TRA2B: variants seen among roughly 807,000 people sequenced by gnomAD.
The protein encoded by TRA2B is transformer-2 protein homolog beta.
A neutral mutation model predicts 41.7 loss-of-function variants in TRA2B; 14 were observed. That is an observed-to-expected ratio of 0.34 (90% CI 0.22 to 0.53). The LOEUF (loss-of-function observed/expected upper bound fraction) is 0.53. Ranked by LOEUF, TRA2B falls within the 20% of genes least tolerant of loss-of-function variation. The pLI is 0.95. For synonymous variants in TRA2B, 130 were observed against 128.8 expected (o/e 1.01, Z -0.06); for missense variants, 167 against 396.8 (o/e 0.42, Z 4.92).
intron 1 of TRA2B, chr3:185,935,573 G>A: frequency 4.1e-6 from 4 of 985,402 alleles, no homozygotes; most frequent in Non-Finnish European, 4.8e-6. Flanking sequence ...GATAAATAAG[G>A]GAGAATTCCA....
chr3:185,924,963 C>T (rs936493016), intron 3 of TRA2B: 2 of 151,840 alleles, frequency 1.3e-5, no homozygotes, highest in Admixed American at 6.6e-5. Context: ...ACATTAAGTC[C>T]CCCCCTGCAC....
chr3:185,919,362 A>G (rs1218395760), intron 7 of TRA2B, 75 bp downstream of exon 7: 1 of 1,312,400 alleles, frequency 7.6e-7, no homozygotes, highest in Non-Finnish European at 1.1e-6. Flanking sequence ...ATAATTTACC[A>G]AAACATTACT....
rs368515754 is a variant in TRA2B at position 185,926,727 on chromosome 3, C to T, written c.44G>A (p.Arg15His). 1.1e-5 allele frequency: 18 copies of T among 1,613,948 alleles called. No individual in the cohort carries two copies. Among genetic ancestry groups the T allele is most frequent in the East Asian group, 4.5e-5 (2 of 44,882 alleles). Residue 15 changes from arginine to histidine, a missense_variant, in exon 2 of 9, where the codon CGT (arginine) becomes CAT (histidine). By Grantham distance (29) the Arg-to-His change is conservative. This residue lies in a region of TRA2B where 94 missense variants were observed against 133.4 expected (regional missense o/e 0.70). Transcript: ENST00000453386. Reference sequence around the variant, plus strand: ...AGCACTTCCACTTCTGGAAGCAGAACGGGATTCCTACACGTAGATGTTAAA... The same window carrying T: ...AGCACTTCCACTTCTGGAAGCAGAATGGGATTCCTACACGTAGATGTTAAA... ...GEQNYGERES[R>H]SASRSGSAHG...
intron 6 of TRA2B, 95 bp from the exon 7 acceptor site, chr3:185,919,591 A>G: frequency 1.0e-6 from 1 of 979,030 alleles, no homozygotes; most frequent in Non-Finnish European, 1.5e-6. Flanking sequence ...TTCATAGAGC[A>G]TGAATGAGAT....
chr3:185,918,479 A>C, intron 7 of TRA2B, 41 bp from the exon 8 acceptor site: 1 of 1,390,478 alleles, frequency 7.2e-7, no homozygotes, highest in Non-Finnish European at 1.0e-6. Context: ...TCAATAGATC[A>C]CAATTAGACC....
intron 4 of TRA2B, chr3:185,922,846 G>A (rs1743792907): frequency 6.6e-6 from 1 of 152,234 alleles, no homozygotes; most frequent in Non-Finnish European, 1.5e-5. Flanking sequence ...TAGAATTTAA[G>A]TTTCTAATTC....
intron 1 of TRA2B, chr3:185,931,598 C>A: frequency 7.9e-7 from 1 of 1,272,106 alleles, no homozygotes; most frequent in South Asian, 2.4e-5. Context: ...CTTTCTGATT[C>A]CAGATTACTT....
intron 1 of TRA2B, chr3:185,934,531 T>C (rs1253290548): frequency 1.0e-6 from 1 of 985,278 alleles, no homozygotes; most frequent in Non-Finnish European, 1.2e-6. Flanking sequence ...GAAAAAAATA[T>C]TTCAACCGGG....
At chr3:185,923,718 T>C in intron 4 of TRA2B, 78 bp downstream of exon 4, 2 of 1,378,924 alleles carry the variant, frequency 1.5e-6, no homozygotes, top group Non-Finnish European at 2.0e-6. Flanking sequence ...TCCTTGTCCT[T>C]ATCCTAGCAA....
At chr3:185,927,727 T>C (rs1197023006) in intron 1 of TRA2B, 1 of 152,136 alleles carries the variant, frequency 6.6e-6, no homozygotes, top group Non-Finnish European at 1.5e-5. Flanking sequence ...CCAGGATAAC[T>C]AGGTCACCAA....
intron 7 of TRA2B, among the ~76,000 whole-genome samples, chr3:185,918,821 A>G (rs1430257616): frequency 1.3e-5 from 2 of 152,136 alleles, no homozygotes; most frequent in African/African-American, 2.4e-5. Flanking sequence ...AGCCTGACCA[A>G]CATGGTGAAA....
intron 1 of TRA2B, chr3:185,936,679 T>C (rs1157851730): frequency 1.0e-6 from 1 of 983,308 alleles, no homozygotes; most frequent in East Asian, 1.1e-4. Flanking sequence ...ACAAATTGTT[T>C]TTTTTTTTTA....
intron 1 of TRA2B, chr3:185,934,568 G>A (rs950570935): frequency 2.0e-6 from 2 of 985,314 alleles, no homozygotes; most frequent in Non-Finnish European, 2.4e-6. Flanking sequence ...AACCTAACCA[G>A]ACTCACAATA....
chr3:185,935,951 G>C, intron 1 of TRA2B: 2 of 985,368 alleles, frequency 2.0e-6, no homozygotes, highest in South Asian at 9.4e-5. Context: ...ACAATTCAAA[G>C]ATTGCGAAAA....
At chr3:185,934,393 C>T (rs543854641) in intron 1 of TRA2B, 2 of 985,414 alleles carry the variant, frequency 2.0e-6, no homozygotes, top group East Asian at 1.1e-4. Context: ...CACCTGAATT[C>T]CTTTTCAACC....
At chr3:185,921,554 G>A (rs1261669702) in intron 5 of TRA2B, among the ~76,000 whole-genome samples, 1 of 152,108 alleles carries the variant, frequency 6.6e-6, no homozygotes, top group Non-Finnish European at 1.5e-5. Flanking sequence ...CATGAGGTCA[G>A]GAGATCGAGA....
At chr3:185,929,971 C>T (rs1471283141) in intron 1 of TRA2B, among the ~76,000 whole-genome samples, 1 of 152,254 alleles carries the variant, frequency 6.6e-6, no homozygotes, top group African/African-American at 2.4e-5. Flanking sequence ...CACACACTGC[C>T]TGTTCTCAGG....
intron 1 of TRA2B, chr3:185,936,927 TA>T (rs1417507892): frequency 2.0e-6 from 2 of 985,194 alleles, no homozygotes; most frequent in East Asian, 2.3e-4. Flanking sequence ...GGTGGAAACT[TA>T]AGGGAAAGAA....
At chr3:185,924,910 AAACT>A (rs1156517285) in intron 3 of TRA2B, 6 of 152,244 alleles carry the variant, frequency 3.9e-5, no homozygotes, top group African/African-American at 1.4e-4. Context: ...TTTATTTCAT[AAACT>A]AACAATTTAC....
Sources: gnomAD v4.1 joint callset for allele counts (sites outside exome capture counted in the v4.1 genomes callset) on GRCh38, gnomAD v4.1.1 for gene constraint, gnomAD v4.1.1 regional missense constraint, MANE v1.5 for transcripts, NCBI Gene and HGNC (gene_info 2026-07-23, HGNC 2026-07-21) for gene names.